PLCH2: variants seen among roughly 807,000 people sequenced by gnomAD.
PLCH2 encodes the protein 1-phosphatidylinositol 4,5-bisphosphate phosphodiesterase eta-2.
A neutral mutation model predicts 134.7 loss-of-function variants in PLCH2; 98 were observed. The observed-to-expected ratio is 0.73, with a 90% CI of 0.62 to 0.86. The LOEUF (loss-of-function observed/expected upper bound fraction) is 0.86. PLCH2 is among the 40% of genes least tolerant of loss of function. The pLI is 0.00. For missense variants in PLCH2, 1,994 were observed against 1,986.6 expected, an observed-to-expected ratio of 1.00 and a Z score of -0.07; for synonymous variants, 974 against 827.5, an observed-to-expected ratio of 1.18 and a Z score of -3.04.
chr1:2,461,553 T>C lies in PLCH2; in HGVS notation c.116-16923T>C, dbSNP rs903399597. 9.5e-4 allele frequency among the ~76,000 whole-genome samples: 145 copies of C among 152,252 alleles called. 1 individual carries two copies. The highest frequency in any genetic ancestry group is 1.0e-4 in the Non-Finnish European group (7 of 67,990). ...CTCCGGTCCCTGTGGCTGGCTCAGC[T>C]TTCGCTCCCTGCTGGGTTACCCAGC... On this transcript the variant is annotated intron_variant, in intron 2 of 3. Transcript: ENST00000609981.
At chr1:2,423,614 G>T (rs1057224730), upstream of PLCH2, among the ~76,000 whole-genome samples, 2 of 152,122 alleles carry the variant, frequency 1.3e-5, no homozygotes, top group Admixed American at 1.3e-4. Context: ...TCACTGACTT[G>T]TTGGGGTAAG....
At chr1:2,487,815 G>C (rs1642367749) in intron 8 of PLCH2, 97 bp downstream of exon 8, 1 of 1,212,134 alleles carries the variant, frequency 8.2e-7, no homozygotes, top group South Asian at 1.4e-5. Flanking sequence ...TCCTTTCTTT[G>C]GGAGCAGTGA....
chr1:2,433,303 C>T (rs1639158559), intron 2 of PLCH2, among the ~76,000 whole-genome samples: 1 of 152,194 alleles, frequency 6.6e-6, no homozygotes, highest in South Asian at 2.1e-4. Flanking sequence ...ACTGCATGTG[C>T]ACCTGGGGCT....
chr1:2,499,227 C>T lies in PLCH2; in HGVS notation c.2578C>T (p.Pro860Ser). The change falls in exon 19 of 22, where the codon CCA becomes TCA. Residue 860 changes from proline (P) to serine (S), a missense_variant. This residue lies in a region of PLCH2 where 1,094 missense variants were observed against 1,234.3 expected (regional missense o/e 0.89). Transcript: ENST00000378486. ...GACGCTGGCCTTCAGCAGCATGATG[C>T]CAGGTGGGCAGGAGTGGACACGGTG... Reference protein sequence around the residue: ...QRTLAFSSMMPGYRHVYLEGM... With the variant: ...QRTLAFSSMMSGYRHVYLEGM... 6.2e-7 allele frequency: 1 copy of T among 1,612,786 alleles called. No homozygotes were observed. Among genetic ancestry groups the T allele is most frequent in the Non-Finnish European group, 8.5e-7 (1 of 1,179,756 alleles).
rs1486986685 is a variant in PLCH2, at chr1:2,494,850, A to G, written c.1660-6A>G. The G allele has an allele frequency of 9.4e-6, 15 of 1,596,136 alleles. No individual in the cohort carries two copies. Among genetic ancestry groups the G allele is most frequent in the Non-Finnish European group, 8.5e-6 (10 of 1,169,840 alleles). On this transcript the variant is annotated splice_polypyrimidine_tract_variant and splice_region_variant and intron_variant, in intron 11 of 21. Transcript: ENST00000378486. ...CACCTTGTCCCTGTCTCTCCCCTGG[A>G]CTCAGAGCAAGGCTGAAGAGGACGT...
upstream of PLCH2, among the ~76,000 whole-genome samples, chr1:2,463,232 C>T (rs1640906614): frequency 6.6e-6 from 1 of 152,222 alleles, no homozygotes; most frequent in Admixed American, 6.5e-5. Context: ...GCAGGGTCAG[C>T]TGGGCTGTGA....
At chr1:2,456,939 G>A (rs530369540) in intron 2 of PLCH2, among the ~76,000 whole-genome samples, 1 of 152,322 alleles carries the variant, frequency 6.6e-6, no homozygotes, top group Non-Finnish European at 1.5e-5. Context: ...ACTGTGAGGG[G>A]CGATCCGCAC....
upstream of PLCH2, among the ~76,000 whole-genome samples, chr1:2,425,032 G>A (rs1040560013): frequency 5.9e-5 from 9 of 151,932 alleles, no homozygotes; most frequent in East Asian, 1.7e-3. Flanking sequence ...GCGTGGTGGC[G>A]GCCACCTGTA....
In PLCH2 at chr1:2,476,465, G is replaced by A; in HGVS notation, c.-124G>A. 2.2e-6 allele frequency: 2 copies of A among 912,778 alleles called. No homozygotes were observed. Among genetic ancestry groups the A allele is most frequent in the Non-Finnish European group, 1.6e-6 (1 of 632,008 alleles). The allele number at this position is 912,778 out of a possible 1,614,324, so 56.5% of individuals were successfully genotyped here. Reference sequence around the variant, plus strand: ...GGAGGGCCCTGAGGAGGAGGAGGAAGAGGCAGAGGAGAGAAGGCCCCACGG... The same window carrying A: ...GGAGGGCCCTGAGGAGGAGGAGGAAAAGGCAGAGGAGAGAAGGCCCCACGG... On this transcript the variant is annotated 5_prime_UTR_variant, in exon 1 of 22. Coordinates refer to ENST00000378486, the MANE Select transcript of PLCH2 (RefSeq NM_014638.4).
chr1:2,479,669 GGGCT>G, intron 2 of PLCH2, 61 bp from the exon 3 acceptor site: 6 of 1,487,048 alleles, frequency 4.0e-6, no homozygotes, highest in Non-Finnish European at 5.4e-6. Context: ...CGCAGTGTTG[GGGCT>G]GCCAGCAGGG....
chr1:2,457,152 T>TG (rs1365779512), intron 2 of PLCH2, among the ~76,000 whole-genome samples: 1 of 152,154 alleles, frequency 6.6e-6, no homozygotes, highest in Non-Finnish European at 1.5e-5. Flanking sequence ...GGCCTGGGGC[T>TG]GGGGGGTACC....
chr1:2,442,439 C>T (rs952942455), intron 2 of PLCH2, among the ~76,000 whole-genome samples: 1 of 152,236 alleles, frequency 6.6e-6, no homozygotes, highest in African/African-American at 2.4e-5. Flanking sequence ...CCCTACCCCA[C>T]CCCTGGCCTC....
chr1:2,498,345 T>TA lies in PLCH2; in HGVS notation c.2225-177dup, dbSNP rs1034494492. 71 of 623,894 alleles carry TA rather than the reference T, an allele frequency of 1.1e-4. No individual in the cohort carries two copies. The highest frequency in any genetic ancestry group is 1.9e-4 in the Non-Finnish European group (67 of 361,568). 38.6% of individuals were successfully genotyped at this position (623,894 alleles called of 1,614,324 possible). On this transcript the variant is annotated intron_variant, in intron 16 of 21. Transcript: ENST00000378486. The surrounding 1 kb of genome is among the most constrained non-coding windows in gnomAD (Gnocchi z 5.4). ...CTGCGGTAGCCACAAAGGTGATCCA[T>TA]ACTGGGCCAGGTGCACCCCGAGGTG...
Position 2,498,267 on chromosome 1 carries a change from G to C in PLCH2, c.2225-256G>C. 2.3e-6 allele frequency: 1 copy of C among 430,356 alleles called. No individual in the cohort carries two copies. The highest frequency in any genetic ancestry group is 4.2e-6 in the Non-Finnish European group (1 of 240,024). The allele number at this position is 430,356 out of a possible 1,614,324, so 26.7% of individuals were successfully genotyped here. ...CAGGGACCCAGACCCACCCCCAGAA[G>C]CCATGTGACCTCCTCGGCTCAGCTG... is the stretch of plus-strand genomic sequence containing the variant. On this transcript the variant is annotated intron_variant, in intron 16 of 21. Transcript: ENST00000378486. This position sits in a 1 kb window ranked among gnomAD's most constrained non-coding sequence, Gnocchi z 5.4.
Position 2,504,810 on chromosome 1 carries a change from C to CGGGA in PLCH2, c.3853_3856dup (p.Thr1286ArgfsTer125), listed in dbSNP as rs1553119357. On this transcript the variant is annotated frameshift_variant, in exon 22 of 22. Coordinates refer to ENST00000378486, the MANE Select transcript of PLCH2 (RefSeq NM_014638.4). LOFTEE classifies it high-confidence loss of function. ...AGACTGAGCCACAGCCTGGGCCTCC[C>CGGGA]GGGAGGGACACGGCGGGTGTCGGGG... 34 of 1,611,198 alleles carry CGGGA rather than the reference C, an allele frequency of 2.1e-5. No homozygotes were observed. The South Asian group carries it at 3.5e-4, about 17-fold the overall frequency.
chr1:2,460,476 C>CG (rs1640759812), intron 2 of PLCH2, among the ~76,000 whole-genome samples: 1 of 152,244 alleles, frequency 6.6e-6, no homozygotes, highest in African/African-American at 2.4e-5. Context: ...GTCTTGGCCC[C>CG]GGGGCATGGG....
chr1:2,503,793 C>T (rs1366965616), intron 21 of PLCH2, 129 bp from the exon 22 acceptor site: 4 of 614,904 alleles, frequency 6.5e-6, no homozygotes, highest in African/African-American at 1.8e-5. Context: ...GGAGCTGGGC[C>T]TGGCGACCCT....
At chr1:2,451,367 C>T (rs1481681630) in intron 2 of PLCH2, among the ~76,000 whole-genome samples, 5 of 152,224 alleles carry the variant, frequency 3.3e-5, no homozygotes, top group Non-Finnish European at 5.9e-5. Flanking sequence ...CAGTGACAGG[C>T]AGAGATTGTC....
chr1:2,505,467 G>A lies in PLCH2; in HGVS notation c.*254G>A, dbSNP rs1319206811. ...CCCGGCGTTTTAGGATCTGTACATA[G>A]AGAAATATTTAAATTTTTAGAAGCA... On this transcript the variant is annotated 3_prime_UTR_variant, in exon 22 of 22. Transcript: ENST00000378486. 1 of 530,524 alleles carries A rather than the reference G, an allele frequency of 1.9e-6. No individual in the cohort carries two copies. Among genetic ancestry groups the A allele is most frequent in the African/African-American group, 2.0e-5 (1 of 50,012 alleles). The allele number at this position is 530,524 out of a possible 1,614,324, so 32.9% of individuals were successfully genotyped here.
Sources: allele counts gnomAD v4.1 joint callset (sites outside exome capture counted in the v4.1 genomes callset), GRCh38; gene constraint gnomAD v4.1.1; regional missense constraint gnomAD v4.1.1; non-coding constraint Gnocchi (gnomAD v3.1); transcripts MANE v1.5; gene names NCBI Gene and HGNC (gene_info 2026-07-23, HGNC 2026-07-21).